STXBP4: variants seen among roughly 807,000 people sequenced by gnomAD.
STXBP4 encodes syntaxin-binding protein 4.
STXBP4 carries 55 observed loss-of-function variants against 76.1 expected under a neutral mutation model. That is an observed-to-expected ratio of 0.72 (90% CI 0.58 to 0.91). The LOEUF is 0.91. Ranked by LOEUF, STXBP4 falls within the 40% of genes least tolerant of loss-of-function variation. The pLI is 0.00. For missense variants in STXBP4, 618 were observed against 636.9 expected (o/e 0.97, Z 0.32); for synonymous variants, 201 against 220.2 (o/e 0.91, Z 0.77).
At chr17:55,014,868 G>T (rs1320673203) in intron 8 of STXBP4, among the ~76,000 whole-genome samples, 1 of 151,952 alleles carries the variant, frequency 6.6e-6, no homozygotes, top group Non-Finnish European at 1.5e-5. Flanking sequence ...CCCTTTTCCA[G>T]AGTCTCCAAA....
intron 16 of STXBP4, among the ~76,000 whole-genome samples, chr17:55,115,290 T>C (rs2079768307): frequency 6.6e-6 from 1 of 151,836 alleles, no homozygotes; most frequent in African/African-American, 2.4e-5. Flanking sequence ...GTGCAACACA[T>C]GATCATAGTT....
Position 55,164,680 on chromosome 17 carries a change from C to G in STXBP4, c.*4769C>G, listed in dbSNP as rs2080367363. 6.6e-6 allele frequency: 1 copy of G among 151,364 alleles called. No homozygotes were observed. The highest frequency in any genetic ancestry group is 6.6e-5 in the Admixed American group (1 of 15,202). The allele number at this position is 151,364 out of a possible 1,614,324, so 9.4% of individuals were successfully genotyped here. On this transcript the variant is annotated 3_prime_UTR_variant, in exon 18 of 18. Coordinates refer to ENST00000376352, the MANE Select transcript of STXBP4 (RefSeq NM_178509.6). ...TGTTAGCCAGGATGGTCTCGATCTC[C>G]TGACCTCATGATCCACCCGCCTCGG...
the STXBP4 span, among the ~76,000 whole-genome samples, chr17:55,192,144 C>A: frequency 5.3e-5 from 8 of 152,138 alleles, no homozygotes; most frequent in African/African-American, 1.7e-4. Flanking sequence ...ATAAAAAATT[C>A]TGTCTGTCTG....
At chr17:55,002,836 G>A (rs2077942737) in intron 7 of STXBP4, among the ~76,000 whole-genome samples, 1 of 152,136 alleles carries the variant, frequency 6.6e-6, no homozygotes, top group Non-Finnish European at 1.5e-5. Context: ...TGCATGTCAA[G>A]CACTTATATT....
intron 17 of STXBP4, among the ~76,000 whole-genome samples, chr17:55,144,566 A>G (rs1299431680): frequency 6.6e-6 from 1 of 152,126 alleles, no homozygotes; most frequent in Admixed American, 6.5e-5. Context: ...TCCTCTCCTC[A>G]TGACCATTCT....
intron 1 of STXBP4, among the ~76,000 whole-genome samples, chr17:54,984,300 T>C (rs373551847): frequency 2.8e-4 from 43 of 151,960 alleles, no homozygotes; most frequent in African/African-American, 8.7e-4. Flanking sequence ...TTTTTGTTTC[T>C]GAGTCTTCAA....
rs1184647876 is a variant in STXBP4 at position 55,168,628 on chromosome 17, AAG to A, written c.*8721_*8722del. On this transcript the variant is annotated 3_prime_UTR_variant, in exon 18 of 18. Transcript: ENST00000376352. ...AGATTTTTAAAAATCATGTGTGTAA[AAG>A]AGAATGAAATATTAATTATGATATT... 1 of 152,212 alleles carries A rather than the reference AAG, an allele frequency of 6.6e-6. No individual in the cohort carries two copies. Among genetic ancestry groups the A allele is most frequent in the African/African-American group, 2.4e-5 (1 of 41,460 alleles). The allele number at this position is 152,212 out of a possible 1,614,324, so 9.4% of individuals were successfully genotyped here. A position where few individuals can be genotyped will look rare whatever the true frequency, so the allele number is the denominator to read the frequency against.
intron 12 of STXBP4, among the ~76,000 whole-genome samples, chr17:55,047,536 C>A (rs942501526): frequency 6.6e-6 from 1 of 151,432 alleles, no homozygotes; most frequent in African/African-American, 2.4e-5. Context: ...ACAAAAAAGT[C>A]ATCAAGGCAG....
At chr17:55,019,963 G>A (rs1310239615) in intron 8 of STXBP4, among the ~76,000 whole-genome samples, 1 of 152,024 alleles carries the variant, frequency 6.6e-6, no homozygotes, top group African/African-American at 2.4e-5. Flanking sequence ...TTGGTGTTCT[G>A]TATTTTCACC....
Position 55,173,143 on chromosome 17 carries a change from C to T in STXBP4, c.*13232C>T, listed in dbSNP as rs2080415685. 1 of 152,082 alleles carries T rather than the reference C, an allele frequency of 6.6e-6. No homozygotes were observed. Among genetic ancestry groups the T allele is most frequent in the South Asian group, 2.1e-4 (1 of 4,820 alleles). 9.4% of individuals were successfully genotyped at this position (152,082 alleles called of 1,614,324 possible). ...AATGAGATTTGTTTCATTGTTTTGCCTTGTTTTGTCATTGAGTTGTTATAG... is the reference window on the plus strand; with the variant it reads ...AATGAGATTTGTTTCATTGTTTTGCTTTGTTTTGTCATTGAGTTGTTATAG... On this transcript the variant is annotated 3_prime_UTR_variant, in exon 18 of 18. Coordinates refer to ENST00000376352, the MANE Select transcript of STXBP4 (RefSeq NM_178509.6).
chr17:55,004,361 A>G (rs915972912), intron 7 of STXBP4, among the ~76,000 whole-genome samples: 2 of 152,112 alleles, frequency 1.3e-5, no homozygotes, highest in African/African-American at 2.4e-5. Flanking sequence ...TCCTTTCCTT[A>G]CAAAACATTC....
chr17:54,983,928 G>T lies in STXBP4; in HGVS notation c.-156-1686G>T, dbSNP rs1271597695. ...CCAAGGATTTTAAGCTCCTCCCTCA[G>T]GTGGCCCTTCTTTTCCTCATGGGTA... On this transcript the variant is annotated intron_variant, in intron 1 of 17. Coordinates refer to ENST00000376352, the MANE Select transcript of STXBP4 (RefSeq NM_178509.6). Among the ~76,000 whole-genome samples the T allele has an allele frequency of 2.0e-5, 3 of 152,130 alleles. No individual in the cohort carries two copies. In the East Asian group the frequency reaches 5.8e-4, roughly 29 times the overall value.
chr17:55,194,067 C>T, the STXBP4 span, among the ~76,000 whole-genome samples: 13 of 152,120 alleles, frequency 8.5e-5, no homozygotes, highest in African/African-American at 2.7e-4. Context: ...ATGCTCCAGA[C>T]ATTTCAGAGC....
In STXBP4 at chr17:55,025,940, A is replaced by G. The variant is rs902641061; in HGVS notation, c.667-5228A>G. ...CTAAAAATGAGTTCAGCAAGTTTAC[A>G]GTATACAAGATCATATATAAGAAGC... On this transcript the variant is annotated intron_variant, in intron 8 of 17. Transcript: ENST00000376352. 5.3e-5 allele frequency among the ~76,000 whole-genome samples: 8 copies of G among 152,364 alleles called. No homozygotes were observed. The South Asian group carries it at 1.7e-3, about 32-fold the overall frequency.
At chr17:54,984,339 C>CTTTTTTTTTTTTTTTTTT (rs60222961) in intron 1 of STXBP4, among the ~76,000 whole-genome samples, 1 of 81,198 alleles carries the variant, frequency 1.2e-5, no homozygotes, top group Non-Finnish European at 2.9e-5. Flanking sequence ...TTTCTTTTTT[C>CTTTTTTTTTTTTTTTTTT]TTTTTTTTTT....
chr17:55,132,200 A>G (rs1416140968), intron 16 of STXBP4, among the ~76,000 whole-genome samples: 1 of 152,126 alleles, frequency 6.6e-6, no homozygotes, highest in Non-Finnish European at 1.5e-5. Flanking sequence ...TATTGTTATT[A>G]TTATTATTTG....
At position 55,139,449 on chromosome 17, in the gene STXBP4, G is replaced by A. The variant is rs114103048; in HGVS notation, c.1490-1861G>A. Among the ~76,000 whole-genome samples the A allele has an allele frequency of 7.1e-3, 1,074 of 152,180 alleles. 15 individuals are homozygous for A. The highest frequency in any genetic ancestry group is 0.024 in the African/African-American group (1,016 of 41,534). On this transcript the variant is annotated intron_variant, in intron 16 of 17. Transcript: ENST00000376352. The stretch of plus-strand genomic sequence containing the variant: ...TTTAGCTGCCTTTGTCTTATTGATT[G>A]GAAATCCTGTTATTTCTGAGCATTT...
At chr17:55,159,735 CT>C in intron 17 of STXBP4, 61 bp from the exon 18 acceptor site, 1 of 1,130,472 alleles carries the variant, frequency 8.8e-7, no homozygotes, top group Non-Finnish European at 1.3e-6. Context: ...AGGATCAGTA[CT>C]TGCATGGATG....
At chr17:55,094,718 G>T (rs2079461195) in intron 16 of STXBP4, among the ~76,000 whole-genome samples, 1 of 151,888 alleles carries the variant, frequency 6.6e-6, no homozygotes, top group Non-Finnish European at 1.5e-5. Flanking sequence ...TTGGATATTT[G>T]CTTTTTTCAT....
Sources: allele counts gnomAD v4.1 joint callset (sites outside exome capture counted in the v4.1 genomes callset), GRCh38; gene constraint gnomAD v4.1.1; transcripts MANE v1.5; gene names NCBI Gene and HGNC (gene_info 2026-07-23, HGNC 2026-07-21).